Variants in PCLO observed in about 807,000 individuals in gnomAD.
PCLO encodes the protein protein piccolo.
PCLO carries 82 observed loss-of-function variants against 427.5 expected under a neutral mutation model. The observed-to-expected ratio is 0.19, with a 90% confidence interval of 0.16 to 0.23. PCLO has a LOEUF of 0.23. PCLO is among the 10% of genes least tolerant of loss of function. The probability of loss-of-function intolerance (pLI) is 1.00; values close to 1 mark genes in which losing one functional copy is unlikely to be tolerated. For missense variants in PCLO, 6,239 were observed against 6,115.9 expected (o/e 1.02, Z -0.67); for synonymous variants, 2,357 against 2,155.4 (o/e 1.09, Z -2.59).
At chr7:82,938,063 G>A (rs1395567459) in intron 6 of PCLO, among the ~76,000 whole-genome samples, 2 of 151,850 alleles carry the variant, frequency 1.3e-5, no homozygotes, top group Non-Finnish European at 3.0e-5. Context: ...ACATTTAAGA[G>A]TCACAGCTTT....
Position 82,931,698 on chromosome 7 carries a change from A to T in PCLO, c.11113-14825T>A, listed in dbSNP as rs1325891258. ...TGGGGGCTTGTTTATCAAAGCATGC[A>T]AGCAAGATGGCAAGAAAAACAGTGC... On this transcript the variant is annotated intron_variant, in intron 6 of 24. Transcript: ENST00000333891. Among the ~76,000 whole-genome samples, 8 of 152,224 alleles carry T rather than the reference A, an allele frequency of 5.3e-5. No individual in the cohort carries two copies. The East Asian group carries it at 1.5e-3, about 29-fold the overall frequency.
At chr7:83,033,151 A>G (rs558608408) in intron 3 of PCLO, among the ~76,000 whole-genome samples, 5 of 152,222 alleles carry the variant, frequency 3.3e-5, no homozygotes, top group Non-Finnish European at 7.4e-5. Context: ...AGCCATGAGG[A>G]ACTGTGAGTC....
At chr7:82,824,749 T>C (rs1381875662) in intron 18 of PCLO, among the ~76,000 whole-genome samples, 1 of 151,554 alleles carries the variant, frequency 6.6e-6, no homozygotes. Context: ...GAACTTATTT[T>C]AATCTTACAC....
rs1439361496 is a variant in PCLO at position 82,754,803 on chromosome 7, A to T, written c.*3772T>A. The stretch of plus-strand genomic sequence containing the variant: ...TTAAATAAATAGCTCATAATTATTC[A>T]TTGAGTCTTCTTTCACTTTCATGTC... On this transcript the variant is annotated 3_prime_UTR_variant, in exon 25 of 25. Transcript: ENST00000333891. 2 of 152,106 alleles carry T rather than the reference A, an allele frequency of 1.3e-5. No homozygotes were observed. Among genetic ancestry groups the T allele is most frequent in the African/African-American group, 2.4e-5 (1 of 41,458 alleles). The allele number at this position is 152,106 out of a possible 1,614,324, so 9.4% of individuals were successfully genotyped here.
intron 10 of PCLO, among the ~76,000 whole-genome samples, chr7:82,873,078 A>G (rs1793276481): frequency 6.6e-6 from 1 of 152,122 alleles, no homozygotes; most frequent in African/African-American, 2.4e-5. Flanking sequence ...ACTAATTTAT[A>G]GAGGCCTATT....
chr7:83,158,218 TA>T (rs1792347815), intron 1 of PCLO, among the ~76,000 whole-genome samples: 1 of 152,056 alleles, frequency 6.6e-6, no homozygotes, highest in Non-Finnish European at 1.5e-5. Context: ...AGGCTTTACT[TA>T]AACAGAACTA....
intron 3 of PCLO, among the ~76,000 whole-genome samples, chr7:83,057,462 C>T (rs186908516): frequency 2.8e-5 from 4 of 143,588 alleles, no homozygotes; most frequent in East Asian, 4.3e-4. Flanking sequence ...CCTGGGTTCA[C>T]GCCATTCTCC....
intron 3 of PCLO, among the ~76,000 whole-genome samples, chr7:83,008,751 T>G (rs900597900): frequency 6.6e-6 from 1 of 151,618 alleles, no homozygotes; most frequent in African/African-American, 2.4e-5. Context: ...CAGGAATATT[T>G]CAACAAATAT....
chr7:82,989,113 T>G (rs933219562), intron 3 of PCLO, among the ~76,000 whole-genome samples: 1 of 152,080 alleles, frequency 6.6e-6, no homozygotes, highest in Non-Finnish European at 1.5e-5. Flanking sequence ...CATGAGCCAC[T>G]GCGCTTGGCC....
Position 82,953,839 on chromosome 7 carries a change from G to A in PCLO, c.7114C>T (p.Pro2372Ser). Residue 2372 changes from proline (P) to serine (S), a missense_variant, in exon 5 of 25, where the codon CCT (proline) becomes TCT (serine). This residue lies in a region of PCLO where 4,677 missense variants were observed against 4,468.4 expected (regional missense o/e 1.05). Coordinates refer to ENST00000333891, the MANE Select transcript of PCLO (RefSeq NM_033026.6). The part of the protein sequence containing the change: ...TSGETFGQEK[P>S]ASQLPSGSPS... ...CTGCCAGATGGTAACTGAGATGCAG[G>A]TTTTTCCTGACCAAAGGTCTCTCCA... 6.2e-7 allele frequency: 1 copy of A among 1,613,142 alleles called. No homozygotes were observed. Among genetic ancestry groups the A allele is most frequent in the Non-Finnish European group, 8.5e-7 (1 of 1,179,462 alleles).
chr7:83,081,182 T>G (rs182835112), intron 3 of PCLO, among the ~76,000 whole-genome samples: 1 of 152,152 alleles, frequency 6.6e-6, no homozygotes, highest in Admixed American at 6.5e-5. Flanking sequence ...TTGTGTTCTT[T>G]TGTTTGAACT....
chr7:83,131,347 G>C (rs1488115107), intron 3 of PCLO, among the ~76,000 whole-genome samples: 1 of 152,104 alleles, frequency 6.6e-6, no homozygotes, highest in East Asian at 1.9e-4. Flanking sequence ...CAGGTACAGT[G>C]GGAGGTGTTA....
intron 13 of PCLO, among the ~76,000 whole-genome samples, chr7:82,842,555 C>T (rs1468948172): frequency 6.6e-6 from 1 of 152,046 alleles, no homozygotes; most frequent in African/African-American, 2.4e-5. Context: ...GTACAACAAA[C>T]TAAAAGTCTT....
chr7:82,798,964 C>G (rs1791285352), intron 22 of PCLO, among the ~76,000 whole-genome samples: 1 of 152,082 alleles, frequency 6.6e-6, no homozygotes, highest in Admixed American at 6.6e-5. Flanking sequence ...CATATTGACT[C>G]ATAAGTTTAA....
At position 82,954,305 on chromosome 7, in the gene PCLO, C is replaced by A; in HGVS notation, c.6648G>T (p.Met2216Ile). 1 of 1,613,514 alleles carries A rather than the reference C, an allele frequency of 6.2e-7. No individual in the cohort carries two copies. Among genetic ancestry groups the A allele is most frequent in the East Asian group, 2.2e-5 (1 of 44,854 alleles). ...CCTCAGAATCTTCAAATTTAGTTAT[C>A]ATGTCCACTGGCTCTGTATAAACTG... ...ITTVYTEPVD[M>I]ITKFEDSEEI... The change falls in exon 5 of 25, where the codon ATG (methionine) becomes ATT (isoleucine). Residue 2216 changes from methionine to isoleucine, a missense_variant. By Grantham distance (10) the Met-to-Ile change is conservative (BLOSUM62 1). This residue lies in a region of PCLO where 4,677 missense variants were observed against 4,468.4 expected (regional missense o/e 1.05). Transcript: ENST00000333891.
chr7:82,998,748 A>G (rs2115893787), intron 3 of PCLO, among the ~76,000 whole-genome samples: 1 of 152,008 alleles, frequency 6.6e-6, no homozygotes, highest in South Asian at 2.1e-4. Context: ...TACCCAATAC[A>G]TCATATCCAG....
chr7:83,016,942 T>C (rs1364628000), intron 3 of PCLO, among the ~76,000 whole-genome samples: 1 of 152,090 alleles, frequency 6.6e-6, no homozygotes, highest in Non-Finnish European at 1.5e-5. Flanking sequence ...CCTTAAACCA[T>C]GTCAAGAATG....
At chr7:83,107,277 A>T (rs6970566) in intron 3 of PCLO, among the ~76,000 whole-genome samples, 1 of 151,856 alleles carries the variant, frequency 6.6e-6, no homozygotes, top group East Asian at 1.9e-4. Flanking sequence ...CTCTATTTAC[A>T]TTTTCTATGT....
intron 22 of PCLO, among the ~76,000 whole-genome samples, chr7:82,767,917 T>C (rs191749634): frequency 9.2e-5 from 14 of 151,392 alleles, no homozygotes; most frequent in Non-Finnish European, 1.5e-4. Context: ...TTCTGAAATA[T>C]ATAAGACTAT....
Sources: gnomAD v4.1 joint callset for allele counts (sites outside exome capture counted in the v4.1 genomes callset) on GRCh38, gnomAD v4.1.1 for gene constraint, gnomAD v4.1.1 regional missense constraint, MANE v1.5 for transcripts, NCBI Gene and HGNC (gene_info 2026-07-23, HGNC 2026-07-21) for gene names.